Variants in PHLDB2 observed in about 807,000 individuals in gnomAD.
The protein encoded by PHLDB2 is pleckstrin homology-like domain family B member 2.
In PHLDB2, 71 loss-of-function variants were observed where a neutral mutation model predicts 123.6. The ratio of observed to expected loss-of-function variants is 0.57; its 90% CI spans 0.47 to 0.70. PHLDB2 has a LOEUF of 0.70. Ranked by LOEUF, PHLDB2 falls within the 30% of genes least tolerant of loss-of-function variation. The pLI is 0.00. For missense variants in PHLDB2, 1,446 were observed against 1,519.5 expected, an observed-to-expected ratio of 0.95 and a Z score of 0.80; for synonymous variants, 547 against 541.6, an observed-to-expected ratio of 1.01 and a Z score of -0.14.
At chr3:111,926,741 A>C (rs951311051) in intron 5 of PHLDB2, among the ~76,000 whole-genome samples, 7 of 152,206 alleles carry the variant, frequency 4.6e-5, no homozygotes, top group Admixed American at 1.3e-4. Context: ...TTGTTGACAC[A>C]GGTCTATAAT....
intron 1 of PHLDB2, among the ~76,000 whole-genome samples, chr3:111,826,436 C>T (rs777568377): frequency 3.9e-5 from 6 of 152,132 alleles, no homozygotes; most frequent in African/African-American, 1.4e-4. Flanking sequence ...AAAGCTGGCA[C>T]ATTGGTGAGA....
chr3:111,901,874 A>T (rs1000700810), intron 2 of PHLDB2, among the ~76,000 whole-genome samples: 1 of 152,218 alleles, frequency 6.6e-6, no homozygotes, highest in African/African-American at 2.4e-5. Flanking sequence ...GGAAATTATG[A>T]TGATACGGAT....
intron 14 of PHLDB2, among the ~76,000 whole-genome samples, chr3:111,966,968 T>TG (rs977477042): frequency 4.4e-5 from 6 of 135,742 alleles, no homozygotes; most frequent in African/African-American, 1.4e-4. Context: ...TTTGTGTGTG[T>TG]TTTTTTTTTG....
chr3:111,756,220 T>C (rs1204594036), intron 1 of PHLDB2, among the ~76,000 whole-genome samples: 2 of 151,840 alleles, frequency 1.3e-5, no homozygotes, highest in African/African-American at 2.4e-5. Flanking sequence ...GTTAACTTTC[T>C]GTCTCGTTGA....
chr3:111,891,616 T>C (rs2066502671), intron 2 of PHLDB2, among the ~76,000 whole-genome samples: 1 of 152,148 alleles, frequency 6.6e-6, no homozygotes, highest in African/African-American at 2.4e-5. Context: ...CCAATAAATG[T>C]AATGTGCTTG....
At chr3:111,749,022 T>C (rs962536382) in intron 1 of PHLDB2, among the ~76,000 whole-genome samples, 1 of 151,832 alleles carries the variant, frequency 6.6e-6, no homozygotes, top group Non-Finnish European at 1.5e-5. Flanking sequence ...TCCTGTTAAA[T>C]TCTACTGGGA....
chr3:111,830,221 C>T (rs1009912246), intron 1 of PHLDB2, among the ~76,000 whole-genome samples: 5 of 152,092 alleles, frequency 3.3e-5, no homozygotes, highest in Non-Finnish European at 5.9e-5. Flanking sequence ...TTAGTGGTGG[C>T]AGCATAAAGT....
chr3:111,846,608 A>C (rs945797705), intron 2 of PHLDB2, among the ~76,000 whole-genome samples: 1 of 152,190 alleles, frequency 6.6e-6, no homozygotes, highest in Non-Finnish European at 1.5e-5. Context: ...AGGGAGGGCA[A>C]TTCCAAACTA....
intron 1 of PHLDB2, among the ~76,000 whole-genome samples, chr3:111,825,849 G>A (rs2062629163): frequency 6.6e-6 from 1 of 152,096 alleles, no homozygotes; most frequent in Admixed American, 6.5e-5. Context: ...ACCTTTATAA[G>A]AGAGCTAGAA....
intron 11 of PHLDB2, among the ~76,000 whole-genome samples, 168 bp downstream of exon 11, chr3:111,952,880 T>C (rs2070800933): frequency 6.6e-6 from 1 of 152,190 alleles, no homozygotes; most frequent in South Asian, 2.1e-4. Flanking sequence ...TCAGAGGACA[T>C]CTGAAACTGT....
In PHLDB2 at chr3:111,746,586, G is replaced by T. The variant is rs1024754797; in HGVS notation, c.-49+13883G>T. ...AAGACCAACCTGGGCAACATAGCAA[G>T]ACCCCTCCCCTACAAAAAACTTCTA... On this transcript the variant is annotated intron_variant, in intron 1 of 17. Coordinates refer to the PHLDB2 transcript ENST00000393923. 2.6e-4 allele frequency among the ~76,000 whole-genome samples: 40 copies of T among 152,198 alleles called. 1 individual carries two copies. Among genetic ancestry groups the T allele is most frequent in the African/African-American group, 9.6e-4 (40 of 41,538 alleles).
chr3:111,904,891 T>C (rs1459202375), intron 2 of PHLDB2, among the ~76,000 whole-genome samples: 1 of 152,184 alleles, frequency 6.6e-6, no homozygotes, highest in Admixed American at 6.5e-5. Context: ...GACACCCTTC[T>C]AAGTGTCATA....
rs369638916 is a variant in PHLDB2 at position 111,745,982 on chromosome 3, G to C, written c.-49+13279G>C. ...GAAGAAGCAGGAACAACATTTTTCA[G>C]AGTGCTTACCCCACATGGTTTCAGA... On this transcript the variant is annotated intron_variant, in intron 1 of 17. Transcript: ENST00000393923. Among the ~76,000 whole-genome samples the C allele has an allele frequency of 1.6e-3, 244 of 152,270 alleles. 1 individual carries two copies. Among genetic ancestry groups the C allele is most frequent in the African/African-American group, 5.6e-3 (231 of 41,568 alleles).
intron 2 of PHLDB2, among the ~76,000 whole-genome samples, chr3:111,897,372 C>T (rs1286049818): frequency 6.6e-6 from 1 of 152,140 alleles, no homozygotes; most frequent in African/African-American, 2.4e-5. Flanking sequence ...CTGTTTTTTT[C>T]CCCATATAAT....
chr3:111,809,349 C>A (rs2061730823), intron 1 of PHLDB2, among the ~76,000 whole-genome samples: 1 of 152,174 alleles, frequency 6.6e-6, no homozygotes. Context: ...TAAATATTTT[C>A]TTCTGCCTTT....
chr3:111,750,659 C>A (rs556196052), intron 1 of PHLDB2, among the ~76,000 whole-genome samples: 1 of 151,918 alleles, frequency 6.6e-6, no homozygotes, highest in African/African-American at 2.4e-5. Flanking sequence ...ATAAAATTCC[C>A]CGGGGGCCGG....
In PHLDB2 at chr3:111,880,208, A is replaced by C. The variant is rs372265470; in HGVS notation, c.-14-3856A>C. ...AGGCTTTTATGCTTTTCTCCCTATC[A>C]GCGTTCTCTACCATAGCATTGACAG... On this transcript the variant is annotated intron_variant, in intron 1 of 17. Transcript: ENST00000431670. 4.6e-5 allele frequency among the ~76,000 whole-genome samples: 7 copies of C among 152,158 alleles called. No homozygotes were observed. The South Asian group carries it at 8.3e-4, about 18-fold the overall frequency.
intron 1 of PHLDB2, among the ~76,000 whole-genome samples, chr3:111,874,505 G>A (rs2065503338): frequency 6.6e-6 from 1 of 152,114 alleles, no homozygotes; most frequent in Non-Finnish European, 1.5e-5. Flanking sequence ...GTGTTGACAA[G>A]GACCTTGTTC....
intron 1 of PHLDB2, among the ~76,000 whole-genome samples, chr3:111,866,932 T>G (rs891760582): frequency 3.0e-4 from 26 of 86,046 alleles, no homozygotes; most frequent in African/African-American, 1.0e-3. Context: ...TTCTAAGGGG[T>G]GTGTGTGTGT....
Sources: allele counts gnomAD v4.1 joint callset (sites outside exome capture counted in the v4.1 genomes callset), GRCh38; gene constraint gnomAD v4.1.1; transcripts MANE v1.5; gene names NCBI Gene and HGNC (gene_info 2026-07-23, HGNC 2026-07-21).